MAPRE2: variants seen among roughly 807,000 people sequenced by gnomAD.
The protein encoded by MAPRE2 is microtubule associated protein RP/EB family member 2, also known as microtubule-associated protein RP/EB family member 2.
Under a neutral mutation model 43.2 loss-of-function variants are expected in MAPRE2, and 13 were observed. The observed-to-expected ratio is 0.30, with a 90% CI of 0.20 to 0.48. The LOEUF is 0.48. Among genes scored for constraint, MAPRE2 ranks in the 20% least tolerant of loss-of-function variants. MAPRE2 has a pLI of 0.99. For missense variants in MAPRE2, 161 were observed against 400.2 expected, an observed-to-expected ratio of 0.40 and a Z score of 5.10; for synonymous variants, 135 against 148.8, an observed-to-expected ratio of 0.91 and a Z score of 0.68.
chr18:35,085,598 T>A (rs1907839043), intron 2 of MAPRE2, among the ~76,000 whole-genome samples: 1 of 152,186 alleles, frequency 6.6e-6, no homozygotes, highest in South Asian at 2.1e-4. Flanking sequence ...TCTCCTCTTA[T>A]ATTAACTATG....
At chr18:34,985,542 A>AAT (rs1491337111) in intron 1 of MAPRE2, among the ~76,000 whole-genome samples, 1 of 63,996 alleles carries the variant, frequency 1.6e-5, no homozygotes, top group African/African-American at 6.9e-5. Flanking sequence ...TATAATATAT[A>AAT]ATATATATAT....
intron 1 of MAPRE2, among the ~76,000 whole-genome samples, chr18:34,981,868 T>TA (rs1568959609): frequency 8.1e-6 from 1 of 123,170 alleles, no homozygotes; most frequent in African/African-American, 3.7e-5. Flanking sequence ...TTATTTATTT[T>TA]TTTTTTTTAT....
chr18:35,086,204 G>T (rs2144139925), intron 2 of MAPRE2, among the ~76,000 whole-genome samples: 1 of 152,180 alleles, frequency 6.6e-6, no homozygotes, highest in East Asian at 1.9e-4. Flanking sequence ...TTTTTCCACA[G>T]ATTGTGTTGC....
At chr18:35,024,612 C>A (rs1395497925) in intron 2 of MAPRE2, among the ~76,000 whole-genome samples, 11 of 152,152 alleles carry the variant, frequency 7.2e-5, no homozygotes, top group Admixed American at 6.5e-4. Context: ...GTTAATTTAA[C>A]CTTCATTTCC....
At chr18:35,100,104 C>G (rs1199329264) in intron 3 of MAPRE2, among the ~76,000 whole-genome samples, 1 of 152,102 alleles carries the variant, frequency 6.6e-6, no homozygotes, top group African/African-American at 2.4e-5. Flanking sequence ...CTTACACACT[C>G]ACACACATTC....
intron 2 of MAPRE2, among the ~76,000 whole-genome samples, chr18:35,013,656 TC>T (rs942756690): frequency 2.0e-5 from 3 of 152,144 alleles, no homozygotes; most frequent in Non-Finnish European, 4.4e-5. Context: ...AACAAATCTC[TC>T]CCTATCCTTT....
At chr18:35,004,087 G>T (rs1446584153) in intron 1 of MAPRE2, among the ~76,000 whole-genome samples, 1 of 151,994 alleles carries the variant, frequency 6.6e-6, no homozygotes, top group Admixed American at 6.6e-5. Context: ...CAATTCAGTT[G>T]TCACCTTTAC....
intron 1 of MAPRE2, among the ~76,000 whole-genome samples, chr18:34,995,120 C>T (rs551754650): frequency 2.0e-5 from 3 of 152,258 alleles, no homozygotes; most frequent in South Asian, 2.1e-4. Flanking sequence ...CATCAGTGGG[C>T]GCTTCTTTTC....
intron 2 of MAPRE2, among the ~76,000 whole-genome samples, chr18:35,029,563 T>A (rs1350719770): frequency 6.6e-6 from 1 of 152,206 alleles, no homozygotes; most frequent in Non-Finnish European, 1.5e-5. Flanking sequence ...CAGCTTGCAC[T>A]CTTTAATATC....
At chr18:34,978,253 C>T in intron 1 of MAPRE2, 2 of 550,190 alleles carry the variant, frequency 3.6e-6, no homozygotes, top group Non-Finnish European at 6.4e-6. Flanking sequence ...TGTAGACCCG[C>T]TAGGCAGGAA....
chr18:35,027,553 C>G (rs1345457384), intron 2 of MAPRE2, among the ~76,000 whole-genome samples: 1 of 152,174 alleles, frequency 6.6e-6, no homozygotes, highest in Non-Finnish European at 1.5e-5. Context: ...ACCATAGCTA[C>G]ATGAGAGACC....
intron 2 of MAPRE2, among the ~76,000 whole-genome samples, chr18:35,015,418 G>A (rs918268241): frequency 6.6e-6 from 1 of 152,110 alleles, no homozygotes; most frequent in African/African-American, 2.4e-5. Flanking sequence ...TGTTCTACAT[G>A]AAACTTCGTT....
rs117538728 is a variant in MAPRE2, at chr18:35,024,372, T to C, written c.-8+18819T>C. Among the ~76,000 whole-genome samples the C allele has an allele frequency of 1.5e-3, 222 of 152,342 alleles. 1 individual carries two copies. Among genetic ancestry groups the C allele is most frequent in the Non-Finnish European group, 2.4e-3 (166 of 68,040 alleles). ...TCTGTGTCCCTCTCCCTTTTATTCA[T>C]GCTCTGACAGCATCCTTGACTCATG... On this transcript the variant is annotated intron_variant, in intron 2 of 7. Transcript: ENST00000413393.
At chr18:35,120,749 C>T (rs1250674358) in intron 4 of MAPRE2, among the ~76,000 whole-genome samples, 1 of 152,014 alleles carries the variant, frequency 6.6e-6, no homozygotes, top group Non-Finnish European at 1.5e-5. Context: ...CCAAGCTCAT[C>T]ATCTGTTAAA....
intron 1 of MAPRE2, among the ~76,000 whole-genome samples, chr18:35,063,658 A>G (rs1048915109): frequency 2.0e-5 from 3 of 151,986 alleles, no homozygotes; most frequent in African/African-American, 7.2e-5. Flanking sequence ...ACTTGCCTGA[A>G]TTTGGGAAGT....
intron 3 of MAPRE2, among the ~76,000 whole-genome samples, chr18:35,099,297 A>G (rs985593057): frequency 2.0e-5 from 3 of 152,228 alleles, no homozygotes; most frequent in African/African-American, 7.2e-5. Context: ...CAGAAGACAT[A>G]AAAGTGATTA....
intron 1 of MAPRE2, among the ~76,000 whole-genome samples, chr18:35,058,830 G>A (rs1906373393): frequency 6.6e-6 from 1 of 152,148 alleles, no homozygotes; most frequent in Non-Finnish European, 1.5e-5. Flanking sequence ...TCCTCACTTG[G>A]AATTATTTTT....
At chr18:34,990,873 A>G (rs1047736102) in intron 1 of MAPRE2, among the ~76,000 whole-genome samples, 31 of 152,200 alleles carry the variant, frequency 2.0e-4, no homozygotes, top group African/African-American at 7.5e-4. Flanking sequence ...GAAACACACA[A>G]AAAATTAAGC....
At chr18:35,076,338 A>C in intron 2 of MAPRE2, among the ~76,000 whole-genome samples, 1 of 152,202 alleles carries the variant, frequency 6.6e-6, no homozygotes, top group East Asian at 1.9e-4. Flanking sequence ...CTGGTTTGCA[A>C]GTGCTTTGAG....
Sources: allele counts gnomAD v4.1 joint callset (sites outside exome capture counted in the v4.1 genomes callset), GRCh38; gene constraint gnomAD v4.1.1; transcripts MANE v1.5; gene names NCBI Gene and HGNC (gene_info 2026-07-23, HGNC 2026-07-21).